MED13: variants seen among roughly 807,000 people sequenced by gnomAD.
The protein encoded by MED13 is mediator complex subunit 13, also known as mediator of RNA polymerase II transcription subunit 13.
MED13 carries 23 observed loss-of-function variants against 225.2 expected under a neutral mutation model. The ratio of observed to expected loss-of-function variants is 0.10; its 90% CI spans 0.07 to 0.14. The LOEUF (loss-of-function observed/expected upper bound fraction) is 0.14. Among genes scored for constraint, MED13 ranks in the 10% least tolerant of loss-of-function variants. The pLI is 1.00. For synonymous variants in MED13, 942 were observed against 889.2 expected (o/e 1.06, Z -1.06); for missense variants, 2,197 against 2,594.5 (o/e 0.85, Z 3.33).
intron 8 of MED13, among the ~76,000 whole-genome samples, chr17:62,021,389 C>T: frequency 6.6e-6 from 1 of 150,516 alleles, no homozygotes; most frequent in South Asian, 2.1e-4. Context: ...CACCTCCCTC[C>T]CGGACGGGGC....
chr17:61,961,633 G>T lies in MED13; in HGVS notation c.5211C>A (p.Gly1737=). The T allele has an allele frequency of 1.2e-6, 2 of 1,613,390 alleles. No homozygotes were observed. The highest frequency in any genetic ancestry group is 2.7e-5 in the African/African-American group (2 of 74,870). Residue 1737 remains glycine, a synonymous_variant, in exon 22 of 30, where the codon GGC becomes GGA. Transcript: ENST00000397786. ...TTTCCATGGCTAAACCTGGACCAAA[G>T]CCAGTCAATGTTTTCACATTGGTTG... ...PTSTNVKTLT[G]FGPGLAMETA...
intron 3 of MED13, among the ~76,000 whole-genome samples, chr17:62,048,129 G>C (rs1377347427): frequency 6.7e-6 from 1 of 148,212 alleles, no homozygotes; most frequent in Non-Finnish European, 1.5e-5. Flanking sequence ...GAAGGGGCTG[G>C]ACACAGTGGC....
At chr17:61,954,012 A>G (rs545940590) in intron 26 of MED13, among the ~76,000 whole-genome samples, 1 of 152,354 alleles carries the variant, frequency 6.6e-6, no homozygotes, top group South Asian at 2.1e-4. Flanking sequence ...GAACAATTAT[A>G]GCAAGGTACT....
At chr17:62,056,688 G>C (rs2080998864) in intron 2 of MED13, among the ~76,000 whole-genome samples, 1 of 152,108 alleles carries the variant, frequency 6.6e-6, no homozygotes, top group Non-Finnish European at 1.5e-5. Flanking sequence ...TTGAGTCCAG[G>C]AGTCGGAGGC....
At chr17:62,008,677 T>TCCC (rs1026468983) in intron 9 of MED13, among the ~76,000 whole-genome samples, 1 of 151,110 alleles carries the variant, frequency 6.6e-6, no homozygotes, top group East Asian at 1.9e-4. Context: ...CTCCCACTCT[T>TCCC]CCCCCCGCCG....
At chr17:62,038,804 C>T (rs545859617) in intron 3 of MED13, among the ~76,000 whole-genome samples, 5 of 152,002 alleles carry the variant, frequency 3.3e-5, no homozygotes, top group East Asian at 1.9e-4. Context: ...GCTGGGACTA[C>T]AGGTGTGCGC....
rs540884829 is a variant in MED13 at position 62,064,880 on chromosome 17, T to G, written c.66+260A>C. ...TGTCCTGCCAGATAAGGAGCTCAAG[T>G]TGAGGACGAGACTACGGTGAGAAGG... is the stretch of plus-strand genomic sequence containing the variant. On this transcript the variant is annotated intron_variant, in intron 1 of 29. Transcript: ENST00000397786. Among the ~76,000 whole-genome samples, 4 of 152,254 alleles carry G rather than the reference T, an allele frequency of 2.6e-5. No homozygotes were observed. The East Asian group carries it at 7.7e-4, about 29-fold the overall frequency.
chr17:61,997,139 TATCTC>T (rs1383761265), intron 9 of MED13, among the ~76,000 whole-genome samples: 3 of 152,218 alleles, frequency 2.0e-5, no homozygotes, highest in Admixed American at 6.5e-5. Flanking sequence ...AGGCAAATCT[TATCTC>T]ATTCATCTAT....
At position 61,943,478 on chromosome 17, in the gene MED13, G is replaced by T. The variant is rs1462172576; in HGVS notation, c.*2990C>A. On this transcript the variant is annotated 3_prime_UTR_variant, in exon 30 of 30. Transcript: ENST00000397786. ...GAAGGTAAATATGAAGACGAAAGGA[G>T]AATATTTTAATACAGTAATCTGTGC... 1 of 152,584 alleles carries T rather than the reference G, an allele frequency of 6.6e-6. No homozygotes were observed. Among genetic ancestry groups the T allele is most frequent in the Non-Finnish European group, 1.5e-5 (1 of 68,008 alleles). The allele number at this position is 152,584 out of a possible 1,614,324, so 9.5% of individuals were successfully genotyped here.
chr17:61,956,319 T>C lies in MED13; in HGVS notation c.5623+20A>G. On this transcript the variant is annotated intron_variant, in intron 24 of 29. Coordinates refer to ENST00000397786, the MANE Select transcript of MED13 (RefSeq NM_005121.3). ...TTACATAAAACGGAAATATAAATACTAATAAAAGCACAATTTTACCTTTCA... is the reference window on the plus strand; with the variant it reads ...TTACATAAAACGGAAATATAAATACCAATAAAAGCACAATTTTACCTTTCA... 6.2e-7 allele frequency: 1 copy of C among 1,600,982 alleles called. No individual in the cohort carries two copies. The highest frequency in any genetic ancestry group is 8.5e-7 in the Non-Finnish European group (1 of 1,175,302).
At chr17:62,028,784 G>A (rs1202790878) in intron 8 of MED13, among the ~76,000 whole-genome samples, 1 of 151,992 alleles carries the variant, frequency 6.6e-6, no homozygotes, top group Non-Finnish European at 1.5e-5. Flanking sequence ...GGTGGAGCTT[G>A]CAGTGAGCCG....
intron 2 of MED13, among the ~76,000 whole-genome samples, chr17:62,061,124 A>G (rs576158030): frequency 1.7e-4 from 26 of 152,224 alleles, no homozygotes; most frequent in Non-Finnish European, 2.9e-4. Flanking sequence ...CTGACTGGTA[A>G]CATGAAACCT....
rs201086493 is a variant in MED13, at chr17:62,031,796, C to CT, written c.815-159dup. ...CTTCTTTGGCATAAGTTTTTCTTTT[C>CT]TTTTTTTTTTTTCTCTTTTTTAGAA... On this transcript the variant is annotated intron_variant, in intron 5 of 29. Coordinates refer to ENST00000397786, the MANE Select transcript of MED13 (RefSeq NM_005121.3). Among the ~76,000 whole-genome samples, 183 of 144,646 alleles carry CT rather than the reference C, an allele frequency of 1.3e-3. 1 individual carries two copies. The highest frequency in any genetic ancestry group is 2.2e-3 in the African/African-American group (86 of 39,598). 94.9% of individuals were successfully genotyped at this position (144,646 alleles called of 152,430 possible).
intron 8 of MED13, among the ~76,000 whole-genome samples, chr17:62,017,193 A>T (rs559804722): frequency 6.6e-6 from 1 of 150,916 alleles, no homozygotes. Flanking sequence ...AGTTTCTAAT[A>T]ACAAAACAGA....
rs1367803046 is a variant in MED13 at position 62,029,609 on chromosome 17, C to G, written c.1215G>C (p.Ala405=). 8.7e-6 allele frequency: 14 copies of G among 1,614,010 alleles called. No individual in the cohort carries two copies. Among genetic ancestry groups the G allele is most frequent in the Non-Finnish European group, 1.0e-5 (12 of 1,180,008 alleles). The change falls in exon 8 of 30, where the codon GCG becomes GCC. Residue 405 remains alanine, a synonymous_variant. Coordinates refer to ENST00000397786, the MANE Select transcript of MED13 (RefSeq NM_005121.3). The part of the protein sequence containing the change: ...SASSGGLCEE[A]TAAKVASWDF... Reference sequence around the variant, plus strand: ...CCCAGGATGCCACTTTAGCAGCTGTCGCTTCTTCGCATAGACCACCTGATG... The same window carrying G: ...CCCAGGATGCCACTTTAGCAGCTGTGGCTTCTTCGCATAGACCACCTGATG...
At chr17:61,970,384 A>G (rs2080096280) in intron 17 of MED13, among the ~76,000 whole-genome samples, 1 of 152,112 alleles carries the variant, frequency 6.6e-6, no homozygotes, top group Non-Finnish European at 1.5e-5. Flanking sequence ...TGGGAATTCA[A>G]ACTGATATTA....
chr17:62,016,784 G>A (rs973197173), intron 8 of MED13, among the ~76,000 whole-genome samples: 1 of 152,092 alleles, frequency 6.6e-6, no homozygotes, highest in African/African-American at 2.4e-5. Flanking sequence ...CAAGGCGGAC[G>A]GAACACCTGA....
chr17:62,049,494 G>A (rs1172735808), intron 3 of MED13, among the ~76,000 whole-genome samples: 1 of 152,128 alleles, frequency 6.6e-6, no homozygotes, highest in Non-Finnish European at 1.5e-5. Flanking sequence ...ATCAATGAAT[G>A]AGCATGGCTG....
chr17:61,999,769 C>T (rs1603400034), intron 9 of MED13, among the ~76,000 whole-genome samples: 2 of 152,152 alleles, frequency 1.3e-5, no homozygotes, highest in South Asian at 2.1e-4. Flanking sequence ...TCAGAAAAAT[C>T]AAGAGGGCTG....
Sources: allele counts gnomAD v4.1 joint callset (sites outside exome capture counted in the v4.1 genomes callset), GRCh38; gene constraint gnomAD v4.1.1; transcripts MANE v1.5; gene names NCBI Gene and HGNC (gene_info 2026-07-23, HGNC 2026-07-21).